The following PTPDC1 variants were observed in gnomAD, a reference collection of about 807,000 sequenced individuals.
The protein encoded by PTPDC1 is protein tyrosine phosphatase domain-containing protein 1.
A neutral mutation model predicts 75.3 loss-of-function variants in PTPDC1; 53 were observed. That is an observed-to-expected ratio of 0.70 (90% CI 0.56 to 0.88). The LOEUF (loss-of-function observed/expected upper bound fraction) is 0.88. PTPDC1 is among the 40% of genes least tolerant of loss of function. The pLI is 0.00. For synonymous variants in PTPDC1, 349 were observed against 366.2 expected (o/e 0.95, Z 0.54); for missense variants, 925 against 998.6 (o/e 0.93, Z 0.99).
chr9:94,080,781 G>A (rs1225268017), upstream of PTPDC1, among the ~76,000 whole-genome samples: 3 of 152,154 alleles, frequency 2.0e-5, no homozygotes, highest in African/African-American at 7.2e-5. Flanking sequence ...TTACTGTAAG[G>A]AACATTTTTG....
chr9:94,107,441 A>C (rs1426469022), intron 8 of PTPDC1, among the ~76,000 whole-genome samples: 1 of 152,246 alleles, frequency 6.6e-6, no homozygotes. Flanking sequence ...GACCCTGTCC[A>C]GAGTGGCCGT....
intron 2 of PTPDC1, among the ~76,000 whole-genome samples, chr9:94,069,282 C>T (rs564363068): frequency 6.6e-6 from 1 of 152,260 alleles, no homozygotes; most frequent in African/African-American, 2.4e-5. Context: ...TTCCAGGACC[C>T]TCCCACCCCC....
At position 94,060,358 on chromosome 9, in the gene PTPDC1, C is replaced by T. The variant is rs371292222; in HGVS notation, c.-6-4376C>T. ...GTGCTCACATTTGGTTAGGATTCTC[C>T]GAGAGGAACTTCTGAGGTTCCTTAC... On this transcript the variant is annotated intron_variant, in intron 1 of 9. Coordinates refer to the PTPDC1 transcript ENST00000375360. Among the ~76,000 whole-genome samples the T allele has an allele frequency of 9.2e-5, 14 of 152,142 alleles. No individual in the cohort carries two copies. In the South Asian group the frequency reaches 1.7e-3, roughly 18 times the overall value.
At chr9:94,077,001 A>C (rs1826717429) in intron 2 of PTPDC1, among the ~76,000 whole-genome samples, 1 of 152,148 alleles carries the variant, frequency 6.6e-6, no homozygotes, top group Non-Finnish European at 1.5e-5. Flanking sequence ...TGCCCACTCA[A>C]ATTATTTGCC....
At chr9:94,084,150 A>C (rs1413189698), upstream of PTPDC1, among the ~76,000 whole-genome samples, 2 of 152,208 alleles carry the variant, frequency 1.3e-5, no homozygotes, top group African/African-American at 4.8e-5. Flanking sequence ...GCCTTTTAAC[A>C]TGTATGTAAA....
rs117432095 is a variant in PTPDC1 at position 94,054,180 on chromosome 9, G to T, written c.-6-10554G>T. 7.2e-3 allele frequency among the ~76,000 whole-genome samples: 1,098 copies of T among 152,318 alleles called. 9 individuals are homozygous for T. The highest frequency in any genetic ancestry group is 0.011 in the Non-Finnish European group (770 of 68,018). On this transcript the variant is annotated intron_variant, in intron 1 of 9. Coordinates refer to the PTPDC1 transcript ENST00000375360. ...AATAAATAAAGTATATAATGTATTA[G>T]ATGTGTTTTCTTCATAAGTCCTATG...
At chr9:94,049,278 C>T (rs1386324157) in intron 1 of PTPDC1, among the ~76,000 whole-genome samples, 1 of 152,082 alleles carries the variant, frequency 6.6e-6, no homozygotes, top group Admixed American at 6.5e-5. Context: ...GGTTATTTTG[C>T]TCGTTAGTTG....
At chr9:94,044,687 A>G (rs559467002) in intron 1 of PTPDC1, among the ~76,000 whole-genome samples, 1 of 151,726 alleles carries the variant, frequency 6.6e-6, no homozygotes, top group South Asian at 2.1e-4. Flanking sequence ...GTCTGTGAAT[A>G]AAGAGAGCTT....
chr9:94,051,995 A>T (rs895171749), intron 1 of PTPDC1, among the ~76,000 whole-genome samples: 1 of 152,102 alleles, frequency 6.6e-6, no homozygotes, highest in Non-Finnish European at 1.5e-5. Context: ...TTTTACTGCT[A>T]TAAGTTTCTC....
chr9:94,042,042 TCTAA>T (rs1299149850), intron 1 of PTPDC1, among the ~76,000 whole-genome samples: 3 of 152,102 alleles, frequency 2.0e-5, no homozygotes, highest in Non-Finnish European at 2.9e-5. Flanking sequence ...TGTCTTAGAA[TCTAA>T]CTGAGAACTA....
intron 1 of PTPDC1, among the ~76,000 whole-genome samples, chr9:94,044,590 C>T (rs1438482227): frequency 1.3e-5 from 2 of 152,146 alleles, no homozygotes; most frequent in African/African-American, 4.8e-5. Context: ...ATCTTGCAAC[C>T]TTGTGAAACT....
At chr9:94,090,424 G>A (rs999132929) in intron 4 of PTPDC1, among the ~76,000 whole-genome samples, 14 of 151,086 alleles carry the variant, frequency 9.3e-5, no homozygotes, top group African/African-American at 3.4e-4. Flanking sequence ...GCTCTGGTCT[G>A]TTCCATTGAT....
chr9:94,095,325 T>A lies in PTPDC1; in HGVS notation c.625T>A (p.Tyr209Asn). ...EAFMEAGIYF[Y>N]NFGWKDYGVA... ...CTTTTCTTTTTTCCTAGTTTACTTC[T>A]ACAATTTCGGATGGAAGGATTATGG... is the stretch of plus-strand genomic sequence containing the variant. The change falls in exon 5 of 9, where the codon TAC becomes AAC. Residue 209 changes from tyrosine to asparagine, a missense_variant. Transcript: ENST00000620992. 2 of 1,600,448 alleles carry A rather than the reference T, an allele frequency of 1.2e-6. No individual in the cohort carries two copies. The highest frequency in any genetic ancestry group is 1.7e-6 in the Non-Finnish European group (2 of 1,175,362).
intron 1 of PTPDC1, among the ~76,000 whole-genome samples, chr9:94,054,899 G>C (rs1192753084): frequency 6.6e-6 from 1 of 152,194 alleles, no homozygotes; most frequent in Non-Finnish European, 1.5e-5. Context: ...ACTCACATCT[G>C]CTTAAACTCA....
At chr9:94,037,460 A>G (rs1445624727) in intron 1 of PTPDC1, among the ~76,000 whole-genome samples, 1 of 152,132 alleles carries the variant, frequency 6.6e-6, no homozygotes, top group Non-Finnish European at 1.5e-5. Context: ...TTATATGTGT[A>G]CTTATTTTAT....
intron 1 of PTPDC1, among the ~76,000 whole-genome samples, chr9:94,046,660 G>GT (rs1238906742): frequency 6.6e-6 from 1 of 152,192 alleles, no homozygotes; most frequent in Non-Finnish European, 1.5e-5. Flanking sequence ...TGTTATTGGT[G>GT]TTTAAGAATG....
At chr9:94,067,531 A>G (rs1587865136) in intron 2 of PTPDC1, among the ~76,000 whole-genome samples, 1 of 152,324 alleles carries the variant, frequency 6.6e-6, no homozygotes, top group Non-Finnish European at 1.5e-5. Flanking sequence ...CATAGATATA[A>G]TTATACATGT....
upstream of PTPDC1, among the ~76,000 whole-genome samples, chr9:94,080,591 A>T (rs1826844617): frequency 6.6e-6 from 1 of 152,174 alleles, no homozygotes; most frequent in Non-Finnish European, 1.5e-5. Context: ...TAATAAATGC[A>T]AGGGCTTCCG....
At chr9:94,051,064 G>A (rs1206697669) in intron 1 of PTPDC1, among the ~76,000 whole-genome samples, 1 of 152,182 alleles carries the variant, frequency 6.6e-6, no homozygotes, top group African/African-American at 2.4e-5. Flanking sequence ...CATTGGAAAA[G>A]TGCCGAATTA....
Sources: gnomAD v4.1 joint callset for allele counts (sites outside exome capture counted in the v4.1 genomes callset) on GRCh38, gnomAD v4.1.1 for gene constraint, MANE v1.5 for transcripts, NCBI Gene and HGNC (gene_info 2026-07-23, HGNC 2026-07-21) for gene names.